The following AGO4 variants were observed in gnomAD, a reference collection of about 807,000 sequenced individuals.
AGO4 encodes the protein protein argonaute-4.
AGO4 carries 33 observed loss-of-function variants against 104.7 expected under a neutral mutation model. The observed-to-expected ratio is 0.32, with a 90% CI of 0.24 to 0.42. The LOEUF is 0.42. AGO4 is among the 10% of genes least tolerant of loss of function. The pLI is 1.00. For synonymous variants in AGO4, 331 were observed against 364.7 expected, an observed-to-expected ratio of 0.91 and a Z score of 1.05; for missense variants, 711 against 1,083.4, an observed-to-expected ratio of 0.66 and a Z score of 4.83.
chr1:35,832,522 C>A lies in AGO4; in HGVS notation c.1331C>A (p.Ala444Glu). The change falls in exon 11 of 18, where the codon GCA (alanine) becomes GAA (glutamate). Residue 444 changes from alanine to glutamate, a missense_variant. This residue lies in a region of AGO4 where 401 missense variants were observed against 665.5 expected (regional missense o/e 0.60). Transcript: ENST00000373210. ...FYAGIEIKVW[A>E]VACFAPQKQC... Reference sequence around the variant, plus strand: ...GCTGGCATTGAAATTAAAGTTTGGGCAGTTGCTTGTTTTGCACCTCAGAAA... The same window carrying A: ...GCTGGCATTGAAATTAAAGTTTGGGAAGTTGCTTGTTTTGCACCTCAGAAA... The A allele has an allele frequency of 6.8e-6, 11 of 1,613,552 alleles. No individual in the cohort carries two copies. Among genetic ancestry groups the A allele is most frequent in the Non-Finnish European group, 8.5e-6 (10 of 1,179,908 alleles).
In AGO4 at chr1:35,849,299, G is replaced by A. The variant is rs1644645190; in HGVS notation, c.2176-858G>A. Among the ~76,000 whole-genome samples, 2 of 152,070 alleles carry A rather than the reference G, an allele frequency of 1.3e-5. 1 individual carries two copies. The highest frequency in any genetic ancestry group is 4.8e-5 in the African/African-American group (2 of 41,378). On this transcript the variant is annotated intron_variant, in intron 15 of 17. Transcript: ENST00000373210. The stretch of plus-strand genomic sequence containing the variant: ...TCAAGGTATATAGTTGCAAGGCTAG[G>A]CCTAGATCTGAAACTGATTTTTTAG...
chr1:35,835,734 A>G (rs917631131), intron 12 of AGO4, 100 bp from the exon 13 acceptor site: 151 of 1,005,390 alleles, frequency 1.5e-4, no homozygotes, highest in Non-Finnish European at 1.9e-4. Context: ...TGTACAGTAT[A>G]TAGTAGGTTA....
Position 35,832,558 on chromosome 1 carries a change from A to G in AGO4, c.1367A>G (p.Glu456Gly). 6.2e-7 allele frequency: 1 copy of G among 1,610,924 alleles called. No homozygotes were observed. The highest frequency in any genetic ancestry group is 8.5e-7 in the Non-Finnish European group (1 of 1,179,190). The change falls in exon 11 of 18, where the codon GAA (glutamate) becomes GGA (glycine). Residue 456 changes from glutamate (E) to glycine (G), a missense_variant. Physicochemically the swap from Glu to Gly is moderately conservative, Grantham distance 98 (BLOSUM62 -2). Transcript: ENST00000373210. ...ACFAPQKQCR[E>G]DLLKSFTDQL... ...TTTGCACCTCAGAAACAATGTAGGG[A>G]AGATTTACTAAAGTGAGTATCTTCA...
chr1:35,828,732 G>A (rs1644100109), intron 7 of AGO4, among the ~76,000 whole-genome samples: 1 of 151,816 alleles, frequency 6.6e-6, no homozygotes, highest in African/African-American at 2.4e-5. Flanking sequence ...TGTTGGCCAG[G>A]CTGATCTTGA....
At chr1:35,831,164 C>T (rs575818572) in intron 7 of AGO4, among the ~76,000 whole-genome samples, 1 of 151,972 alleles carries the variant, frequency 6.6e-6, no homozygotes, top group East Asian at 1.9e-4. Flanking sequence ...GAGTTCGAGA[C>T]CAGCCTGACC....
intron 3 of AGO4, among the ~76,000 whole-genome samples, chr1:35,824,018 A>C (rs1643949303): frequency 6.6e-6 from 1 of 152,236 alleles, no homozygotes; most frequent in Admixed American, 6.5e-5. Flanking sequence ...TCTCACATTA[A>C]CCATGTACTT....
chr1:35,825,617 A>C (rs1250474357), intron 4 of AGO4, 62 bp from the exon 5 acceptor site: 2 of 1,530,678 alleles, frequency 1.3e-6, no homozygotes, highest in South Asian at 1.3e-5. Flanking sequence ...CCCAGAGTTG[A>C]GAGTGAAATG....
intron 1 of AGO4, among the ~76,000 whole-genome samples, chr1:35,816,175 G>A (rs961704273): frequency 6.6e-6 from 1 of 152,178 alleles, no homozygotes; most frequent in African/African-American, 2.4e-5. Flanking sequence ...GCTAATTTGT[G>A]AGAGATTAGT....
Position 35,819,457 on chromosome 1 carries a change from G to A in AGO4, c.185+2410G>A, listed in dbSNP as rs141063812. On this transcript the variant is annotated intron_variant, in intron 2 of 17. Transcript: ENST00000373210. ...TTAAAAAAAACAAAAGGCCGCGCGCGGTGGCTCACATCTTTGGATGTGAGC... is the reference window on the plus strand; with the variant it reads ...TTAAAAAAAACAAAAGGCCGCGCGCAGTGGCTCACATCTTTGGATGTGAGC... 7.6e-3 allele frequency among the ~76,000 whole-genome samples: 1,157 copies of A among 151,824 alleles called. 16 individuals are homozygous for A. The highest frequency in any genetic ancestry group is 0.025 in the African/African-American group (1,029 of 41,396).
At position 35,832,590 on chromosome 1, in the gene AGO4, C is replaced by G. The variant is rs184888137; in HGVS notation, c.1379+20C>G. The G allele has an allele frequency of 1.2e-6, 2 of 1,611,412 alleles. No individual in the cohort carries two copies. Among genetic ancestry groups the G allele is most frequent in the African/African-American group, 2.7e-5 (2 of 74,812 alleles). On this transcript the variant is annotated intron_variant, in intron 11 of 17. Coordinates refer to ENST00000373210, the MANE Select transcript of AGO4 (RefSeq NM_017629.4). ...ACTAAAGTGAGTATCTTCATATTTT[C>G]AGCTTAGTAATATCCCTTCCAGATA...
At position 35,816,914 on chromosome 1, in the gene AGO4, C is replaced by T. The variant is rs751046556; in HGVS notation, c.52C>T (p.Arg18Cys). 8.1e-6 allele frequency: 13 copies of T among 1,613,132 alleles called. No individual in the cohort carries two copies. In the African/African-American group the frequency reaches 1.3e-4, roughly 17 times the overall value. The change falls in exon 2 of 18, where the codon CGT (arginine) becomes TGT (cysteine). Residue 18 changes from arginine (R) to cysteine (C), a missense_variant. Around this residue, in one of 3 missense-constraint regions of AGO4, gnomAD observed 308 missense variants for 397.8 expected, o/e 0.77. Transcript: ENST00000373210. Reference protein sequence around the residue: ...PPASLFQPPRRPGLGTVGKPI... With the variant: ...PPASLFQPPRCPGLGTVGKPI... Reference sequence around the variant, plus strand: ...GGCTAGCCTGTTTCAGCCACCTCGTCGTCCTGGCCTTGGAACTGTTGGAAA... The same window carrying T: ...GGCTAGCCTGTTTCAGCCACCTCGTTGTCCTGGCCTTGGAACTGTTGGAAA...
chr1:35,835,762 G>GT (rs1557569824), intron 12 of AGO4, 72 bp from the exon 13 acceptor site: 4 of 1,322,616 alleles, frequency 3.0e-6, no homozygotes, highest in East Asian at 2.5e-5. Flanking sequence ...AATGTGTGGG[G>GT]TTTTTTTCCT....
intron 15 of AGO4, among the ~76,000 whole-genome samples, chr1:35,843,417 C>A (rs1176197887): frequency 1.3e-5 from 2 of 152,016 alleles, no homozygotes; most frequent in African/African-American, 4.8e-5. Flanking sequence ...CATTGGGCCC[C>A]AGATCCAATC....
chr1:35,811,419 G>A (rs1456426200), intron 1 of AGO4, among the ~76,000 whole-genome samples: 2 of 147,624 alleles, frequency 1.4e-5, no homozygotes, highest in East Asian at 2.0e-4. Flanking sequence ...CCGAGATTGC[G>A]CCACTGCACT....
At chr1:35,840,993 T>C (rs191887398) in intron 13 of AGO4, among the ~76,000 whole-genome samples, 172 bp from the exon 14 acceptor site, 14 of 152,334 alleles carry the variant, frequency 9.2e-5, no homozygotes, top group South Asian at 2.1e-4. Flanking sequence ...CCAGAGTCAC[T>C]GTACTGGGTG....
chr1:35,849,088 G>A (rs767026463), intron 15 of AGO4, among the ~76,000 whole-genome samples: 4 of 152,226 alleles, frequency 2.6e-5, no homozygotes, highest in Non-Finnish European at 5.9e-5. Flanking sequence ...GCAGAAGAGG[G>A]TGACCAAATA....
chr1:35,816,816 A>AAAAG, intron 1 of AGO4, 66 bp from the exon 2 acceptor site: 5 of 1,179,236 alleles, frequency 4.2e-6, no homozygotes, highest in Non-Finnish European at 5.7e-6. Context: ...AAAAAAAAAA[A>AAAAG]AAAAAGAAAG....
intron 1 of AGO4, among the ~76,000 whole-genome samples, chr1:35,810,080 T>A (rs1643451035): frequency 6.6e-6 from 1 of 152,208 alleles, no homozygotes; most frequent in African/African-American, 2.4e-5. Context: ...ACTTAGTGGT[T>A]CACTCAGGAT....
chr1:35,846,724 A>G lies in AGO4; in HGVS notation c.2176-3433A>G, dbSNP rs183329514. 6.9e-3 allele frequency among the ~76,000 whole-genome samples: 1,042 copies of G among 152,082 alleles called. 16 individuals are homozygous for G. Among genetic ancestry groups the G allele is most frequent in the African/African-American group, 0.022 (923 of 41,492 alleles). ...CTCAGCCTCCCAAAGTGTTGGCATTACAGGCATAAGCCACCATACCTGGCC... is the reference window on the plus strand; with the variant it reads ...CTCAGCCTCCCAAAGTGTTGGCATTGCAGGCATAAGCCACCATACCTGGCC... On this transcript the variant is annotated intron_variant, in intron 15 of 17. Coordinates refer to ENST00000373210, the MANE Select transcript of AGO4 (RefSeq NM_017629.4).
Sources: allele counts gnomAD v4.1 joint callset (sites outside exome capture counted in the v4.1 genomes callset), GRCh38; gene constraint gnomAD v4.1.1; regional missense constraint gnomAD v4.1.1; transcripts MANE v1.5; gene names NCBI Gene and HGNC (gene_info 2026-07-23, HGNC 2026-07-21).